Variants in INTS3 observed in about 807,000 individuals in gnomAD.
INTS3 encodes integrator complex subunit 3.
A neutral mutation model predicts 146.3 loss-of-function variants in INTS3; 34 were observed. The observed-to-expected ratio is 0.23, with a 90% CI of 0.18 to 0.31. INTS3 has a LOEUF of 0.31. INTS3 is among the 10% of genes least tolerant of loss of function. INTS3 has a pLI of 1.00. For missense variants in INTS3, 757 were observed against 1,304.2 expected (o/e 0.58, Z 6.46); for synonymous variants, 475 against 494.9 (o/e 0.96, Z 0.53).
chr1:153,741,445 G>A (rs560189346), intron 3 of INTS3, 77 bp downstream of exon 3: 2 of 1,075,966 alleles, frequency 1.9e-6, no homozygotes, highest in South Asian at 2.5e-5. Context: ...AGTTTAACTG[G>A]GGTAGTATGA....
chr1:153,763,916 A>G, intron 17 of INTS3, 30 bp downstream of exon 17: 1 of 1,603,644 alleles, frequency 6.2e-7, no homozygotes, highest in African/African-American at 1.3e-5. Flanking sequence ...CTTAGGGAGG[A>G]AGCAGCCTAG....
At position 153,728,416 on chromosome 1, in the gene INTS3, C is replaced by T. The variant is rs1457131521; in HGVS notation, c.-219C>T. The T allele has an allele frequency of 1.9e-6, 1 of 529,536 alleles. No individual in the cohort carries two copies. The highest frequency in any genetic ancestry group is 3.3e-6 in the Non-Finnish European group (1 of 304,206). 32.8% of individuals were successfully genotyped at this position (529,536 alleles called of 1,614,324 possible). Reference sequence around the variant, plus strand: ...CGGAGCCAACGCCTTTCCCTCAGCACTGCCACCCCAGAGTCAGGACCCAGA... The same window carrying T: ...CGGAGCCAACGCCTTTCCCTCAGCATTGCCACCCCAGAGTCAGGACCCAGA... On this transcript the variant is annotated 5_prime_UTR_variant, in exon 1 of 30. Transcript: ENST00000318967.
rs189152251 is a variant in INTS3 at position 153,738,788 on chromosome 1, A to G, written c.151-1863A>G. 3.4e-4 allele frequency among the ~76,000 whole-genome samples: 51 copies of G among 152,192 alleles called. No individual in the cohort carries two copies. In the East Asian group the frequency reaches 8.9e-3, roughly 26 times the overall value. On this transcript the variant is annotated intron_variant, in intron 1 of 29. Transcript: ENST00000318967. Reference sequence around the variant, plus strand: ...ATTTCATCTACATTTATTAGTTGGCATTGTACTGTAAGGAAGAGCTTTCCT... The same window carrying G: ...ATTTCATCTACATTTATTAGTTGGCGTTGTACTGTAAGGAAGAGCTTTCCT...
intron 9 of INTS3, 67 bp downstream of exon 9, chr1:153,754,806 G>A (rs1570862305): frequency 2.0e-6 from 2 of 1,013,884 alleles, no homozygotes; most frequent in East Asian, 4.7e-5. Flanking sequence ...TCGGTCTGTG[G>A]AGCTGTTACC....
chr1:153,746,917 C>T (rs554767912), intron 3 of INTS3, 40 bp from the exon 4 acceptor site: 16 of 1,407,106 alleles, frequency 1.1e-5, no homozygotes, highest in Admixed American at 1.7e-5. Context: ...AGGACCTTAT[C>T]CTCAGCTTGC....
intron 6 of INTS3, among the ~76,000 whole-genome samples, chr1:153,749,931 A>G (rs1457393858): frequency 6.6e-6 from 1 of 152,220 alleles, no homozygotes; most frequent in Non-Finnish European, 1.5e-5. Context: ...CCTGTTTTCT[A>G]CCCTCCAAAA....
At chr1:153,758,276 A>T (rs1223412132) in intron 10 of INTS3, among the ~76,000 whole-genome samples, 1 of 152,088 alleles carries the variant, frequency 6.6e-6, no homozygotes, top group African/African-American at 2.4e-5. Context: ...ACCTCTTCCA[A>T]CAGGGTTCCT....
chr1:153,757,748 C>T lies in INTS3; in HGVS notation c.1134C>T (p.Leu378=), dbSNP rs143916084. ...CCCGGTGGGCCATCATTGGTTGGCT[C>T]CTGACAACGTGCACGGTGAGGGCAA... The part of the protein sequence containing the change: ...ILPRWAIIGW[L]LTTCTSNVAA... The change falls in exon 10 of 30, where the codon CTC becomes CTT. Residue 378 remains leucine, a synonymous_variant. Coordinates refer to ENST00000318967, the MANE Select transcript of INTS3 (RefSeq NM_023015.5). This position sits in a 1 kb window ranked among gnomAD's most constrained non-coding sequence, Gnocchi z 4.0. The T allele has an allele frequency of 5.0e-6, 8 of 1,613,452 alleles. No individual in the cohort carries two copies. The highest frequency in any genetic ancestry group is 6.8e-6 in the Non-Finnish European group (8 of 1,179,940).
At chr1:153,765,812 C>T (rs935149027) in intron 20 of INTS3, among the ~76,000 whole-genome samples, 1 of 152,094 alleles carries the variant, frequency 6.6e-6, no homozygotes, top group African/African-American at 2.4e-5. Context: ...TCAGGTGATC[C>T]ACCCACCTTG....
intron 12 of INTS3, 42 bp downstream of exon 12, chr1:153,760,432 C>A: frequency 2.0e-6 from 3 of 1,511,324 alleles, no homozygotes; most frequent in Non-Finnish European, 2.8e-6. Flanking sequence ...CCTGGATGAG[C>A]AGAATTCAGT....
intron 6 of INTS3, among the ~76,000 whole-genome samples, chr1:153,750,536 G>T (rs925105781): frequency 9.9e-5 from 15 of 152,074 alleles, no homozygotes; most frequent in Admixed American, 9.2e-4. Flanking sequence ...GCCAGGGAAA[G>T]GTTTGTGGCA....
intron 1 of INTS3, among the ~76,000 whole-genome samples, chr1:153,735,530 G>T: frequency 6.6e-6 from 1 of 152,170 alleles, no homozygotes; most frequent in Non-Finnish European, 1.5e-5. Context: ...ATTCAGCAGA[G>T]ATTTTTCCCT....
intron 22 of INTS3, 39 bp downstream of exon 22, chr1:153,769,000 G>A: frequency 6.6e-7 from 1 of 1,524,322 alleles, no homozygotes; most frequent in Non-Finnish European, 9.1e-7. Context: ...AGATCTGGGA[G>A]GCAGCATTAG....
chr1:153,753,031 C>G (rs897638896), intron 8 of INTS3, among the ~76,000 whole-genome samples: 2 of 149,922 alleles, frequency 1.3e-5, no homozygotes, highest in Admixed American at 1.3e-4. Flanking sequence ...TGCATGCACC[C>G]GCTCCCCTCC....
At chr1:153,767,610 T>C in intron 20 of INTS3, 64 bp from the exon 21 acceptor site, 1 of 1,484,342 alleles carries the variant, frequency 6.7e-7, no homozygotes, top group Non-Finnish European at 9.0e-7. Context: ...GGAGCCTGCT[T>C]CGGGGATGCT....
At chr1:153,766,533 A>G (rs571769881) in intron 20 of INTS3, 116 of 152,128 alleles carry the variant, frequency 7.6e-4, no homozygotes, top group African/African-American at 2.7e-3. Context: ...TCCTGACCTC[A>G]GGTGATCTGC....
intron 8 of INTS3, 149 bp from the exon 9 acceptor site, chr1:153,754,493 C>G (rs1461027177): frequency 1.4e-6 from 1 of 698,972 alleles, no homozygotes; most frequent in Non-Finnish European, 2.6e-6. Context: ...GAATCCCCAC[C>G]TGTGCTTGAC....
chr1:153,732,244 T>C (rs1671095377), intron 1 of INTS3, among the ~76,000 whole-genome samples: 1 of 152,098 alleles, frequency 6.6e-6, no homozygotes, highest in South Asian at 2.1e-4. Flanking sequence ...AGGGTTGCAT[T>C]TGGTTAGAGG....
intron 9 of INTS3, among the ~76,000 whole-genome samples, chr1:153,756,306 A>C (rs1672160163): frequency 6.7e-6 from 1 of 150,092 alleles, no homozygotes; most frequent in South Asian, 2.1e-4. Flanking sequence ...CAGAGGTTAC[A>C]GTGAGCTGAG....
Sources: gnomAD v4.1 joint callset for allele counts (sites outside exome capture counted in the v4.1 genomes callset) on GRCh38, gnomAD v4.1.1 for gene constraint, Gnocchi (gnomAD v3.1) non-coding constraint, MANE v1.5 for transcripts, NCBI Gene and HGNC (gene_info 2026-07-23, HGNC 2026-07-21) for gene names.